Variants in ADAMTSL3 observed in about 807,000 individuals in gnomAD.
ADAMTSL3 encodes the protein ADAMTS-like protein 3.
A neutral mutation model predicts 201.7 loss-of-function variants in ADAMTSL3; 128 were observed. That is an observed-to-expected ratio of 0.63 (90% CI 0.55 to 0.73). The LOEUF (loss-of-function observed/expected upper bound fraction) is 0.73. Among genes scored for constraint, ADAMTSL3 ranks in the 30% least tolerant of loss-of-function variants. The probability of loss-of-function intolerance (pLI) is 0.00; values close to 1 mark genes in which losing one functional copy is unlikely to be tolerated. For missense variants in ADAMTSL3, 1,990 were observed against 2,119.6 expected, an observed-to-expected ratio of 0.94 and a Z score of 1.20; for synonymous variants, 738 against 748.4, an observed-to-expected ratio of 0.99 and a Z score of 0.23.
At chr15:84,006,921 ATGT>A (rs1034489833) in intron 23 of ADAMTSL3, among the ~76,000 whole-genome samples, 9 of 152,230 alleles carry the variant, frequency 5.9e-5, no homozygotes, top group African/African-American at 1.9e-4. Flanking sequence ...CCTGTGGGAC[ATGT>A]TGTGCCAATG....
At chr15:84,023,898 A>C (rs1182497152) in intron 26 of ADAMTSL3, among the ~76,000 whole-genome samples, 1 of 152,234 alleles carries the variant, frequency 6.6e-6, no homozygotes, top group Non-Finnish European at 1.5e-5. Flanking sequence ...TATGTAAAAT[A>C]AAATACATTT....
chr15:83,702,537 G>A (rs1323488009), intron 2 of ADAMTSL3, among the ~76,000 whole-genome samples: 1 of 152,188 alleles, frequency 6.6e-6, no homozygotes, highest in Non-Finnish European at 1.5e-5. Context: ...GGGACCTGGT[G>A]CCCTGTGTCC....
intron 23 of ADAMTSL3, among the ~76,000 whole-genome samples, chr15:83,991,447 G>C (rs1388801614): frequency 6.6e-6 from 1 of 152,202 alleles, no homozygotes; most frequent in Non-Finnish European, 1.5e-5. Context: ...TTCCAGTGTG[G>C]ACTGTGACTG....
chr15:83,847,029 C>G (rs1312603230), intron 7 of ADAMTSL3, among the ~76,000 whole-genome samples: 1 of 152,140 alleles, frequency 6.6e-6, no homozygotes, highest in African/African-American at 2.4e-5. Flanking sequence ...GCAGTTTAGG[C>G]CAGTAAATAA....
intron 2 of ADAMTSL3, among the ~76,000 whole-genome samples, chr15:83,702,834 C>T (rs908775116): frequency 2.0e-5 from 3 of 152,178 alleles, no homozygotes; most frequent in Admixed American, 1.3e-4. Context: ...CCTACTGGGG[C>T]ACTGCCTAGT....
At chr15:83,672,563 G>T (rs994702813) in intron 2 of ADAMTSL3, among the ~76,000 whole-genome samples, 9 of 152,218 alleles carry the variant, frequency 5.9e-5, no homozygotes, top group African/African-American at 2.2e-4. Flanking sequence ...CCTTCTGGAG[G>T]AAAGTTGCCC....
intron 3 of ADAMTSL3, among the ~76,000 whole-genome samples, chr15:83,733,456 A>G (rs2062315575): frequency 1.3e-5 from 2 of 152,218 alleles, no homozygotes; most frequent in African/African-American, 2.4e-5. Context: ...CAGCTTCTCA[A>G]TGTGATTGGA....
rs755600346 is a variant in ADAMTSL3 at position 83,982,260 on chromosome 15, T to G, written c.2645-13T>G. 1.3e-6 allele frequency: 2 copies of G among 1,552,236 alleles called. No homozygotes were observed. Among genetic ancestry groups the G allele is most frequent in the East Asian group, 2.3e-5 (1 of 44,158 alleles). On this transcript the variant is annotated splice_polypyrimidine_tract_variant and intron_variant, in intron 20 of 29. Coordinates refer to ENST00000286744, the MANE Select transcript of ADAMTSL3 (RefSeq NM_207517.3). ...TTCGTATTTTCTTTTCTTTCTTTTT[T>G]TTTTTCTTGGAGAAATCAAATCAGA...
At chr15:83,764,200 G>A (rs1011179780) in intron 3 of ADAMTSL3, among the ~76,000 whole-genome samples, 1 of 152,214 alleles carries the variant, frequency 6.6e-6, no homozygotes, top group South Asian at 2.1e-4. Flanking sequence ...CATGTCAGTG[G>A]CCTTCTAGCT....
chr15:83,658,360 C>T (rs1171267634), intron 2 of ADAMTSL3, among the ~76,000 whole-genome samples: 9 of 152,206 alleles, frequency 5.9e-5, no homozygotes, highest in East Asian at 1.9e-4. Flanking sequence ...CTGCCCACCT[C>T]GGCCTCCTAA....
At chr15:83,656,754 T>C (rs2061089910) in intron 2 of ADAMTSL3, among the ~76,000 whole-genome samples, 1 of 152,172 alleles carries the variant, frequency 6.6e-6, no homozygotes, top group Non-Finnish European at 1.5e-5. Context: ...AATACATGGC[T>C]TGGTGGCCTG....
At chr15:83,955,440 G>T (rs917103408) in intron 19 of ADAMTSL3, among the ~76,000 whole-genome samples, 1 of 152,044 alleles carries the variant, frequency 6.6e-6, no homozygotes, top group Non-Finnish European at 1.5e-5. Context: ...CCCAGGGAAG[G>T]TGCAGAAATG....
chr15:83,994,608 T>G (rs1164866777), intron 23 of ADAMTSL3, among the ~76,000 whole-genome samples: 3 of 120,552 alleles, frequency 2.5e-5, no homozygotes, highest in African/African-American at 9.8e-5. Flanking sequence ...TTTTTTTTTT[T>G]TTTTTTGACA....
intron 3 of ADAMTSL3, among the ~76,000 whole-genome samples, chr15:83,750,377 T>G (rs1216515449): frequency 6.6e-6 from 1 of 152,248 alleles, no homozygotes; most frequent in Non-Finnish European, 1.5e-5. Flanking sequence ...TGTTGAGGAC[T>G]TAAGTAAATT....
At chr15:83,781,500 A>G (rs755319198) in intron 4 of ADAMTSL3, among the ~76,000 whole-genome samples, 4 of 152,354 alleles carry the variant, frequency 2.6e-5, no homozygotes, top group East Asian at 1.9e-4. Context: ...ACCCAATACT[A>G]TACAAACCCT....
intron 2 of ADAMTSL3, among the ~76,000 whole-genome samples, chr15:83,689,360 C>G (rs1242372106): frequency 6.6e-6 from 1 of 152,198 alleles, no homozygotes; most frequent in East Asian, 1.9e-4. Flanking sequence ...ACTCTCTGCT[C>G]AGATGTATGC....
At chr15:83,891,946 G>A (rs1253718597) in intron 12 of ADAMTSL3, among the ~76,000 whole-genome samples, 2 of 152,232 alleles carry the variant, frequency 1.3e-5, no homozygotes, top group East Asian at 1.9e-4. Context: ...CGGGCGTGGT[G>A]GCACATGCCT....
chr15:84,010,442 G>T (rs1333758536), intron 23 of ADAMTSL3, among the ~76,000 whole-genome samples: 1 of 152,136 alleles, frequency 6.6e-6, no homozygotes, highest in Non-Finnish European at 1.5e-5. Context: ...ATGTATCTTT[G>T]GGATAGAATA....
chr15:83,873,210 A>G (rs1323683721), intron 9 of ADAMTSL3, among the ~76,000 whole-genome samples: 1 of 144,942 alleles, frequency 6.9e-6, no homozygotes. Flanking sequence ...GGGCTGAGGC[A>G]GGAGAATTAC....
Sources: gnomAD v4.1 joint callset for allele counts (sites outside exome capture counted in the v4.1 genomes callset) on GRCh38, gnomAD v4.1.1 for gene constraint, MANE v1.5 for transcripts, NCBI Gene and HGNC (gene_info 2026-07-23, HGNC 2026-07-21) for gene names.